DDX3X: variants seen among roughly 807,000 people sequenced by gnomAD.
The protein encoded by DDX3X is ATP-dependent RNA helicase DDX3X.
In DDX3X, 4 loss-of-function variants were observed where a neutral mutation model predicts 52.7. That is an observed-to-expected ratio of 0.08 (90% CI 0.04 to 0.17). DDX3X has a LOEUF of 0.17. Ranked by LOEUF, DDX3X falls within the 10% of genes least tolerant of loss-of-function variation. The pLI, the probability that DDX3X is intolerant of heterozygous loss-of-function variation, is 1.00. For missense variants in DDX3X, 222 were observed against 548.6 expected (o/e 0.40, Z 5.95); for synonymous variants, 192 against 178.1 (o/e 1.08, Z -0.62).
rs751012184 is a variant in DDX3X, at chrX:41,359,977, G to A, written c.655-4297G>A. Among the ~76,000 whole-genome samples, 565 of 108,491 alleles carry A rather than the reference G, an allele frequency of 5.2e-3. 6 individuals carry two copies. Among genetic ancestry groups the A allele is most frequent in the African/African-American group, 0.018 (531 of 29,939 alleles). The allele number at this position is 108,491 out of a possible 115,157, so 94.2% of individuals were successfully genotyped here. A position where few individuals can be genotyped will look rare whatever the true frequency, so the allele number is the denominator to read the frequency against. ...AGCCTGGGCGACAGAGCGAGACTCT[G>A]TCTCAAAAAATAATAATAATAATAA... is the stretch of plus-strand genomic sequence containing the variant. On this transcript the variant is annotated intron_variant, in intron 5 of 5. Transcript: ENST00000616050.
At chrX:41,357,064 G>A (rs1287865218) in intron 5 of DDX3X, among the ~76,000 whole-genome samples, 1 of 106,554 alleles carries the variant, frequency 9.4e-6, no homozygotes, top group Non-Finnish European at 1.9e-5. Flanking sequence ...CTCCCAAGTA[G>A]CTTGGATTAC....
At chrX:41,342,897 A>T (rs1161603081) in intron 6 of DDX3X, 61 bp downstream of exon 6, 1 of 944,057 alleles carries the variant, frequency 1.1e-6, no homozygotes, top group Non-Finnish European at 1.5e-6. Context: ...ATGTTACATT[A>T]GAATGTGAGA....
At chrX:41,334,887 G>C (rs2063739417) in intron 1 of DDX3X, 1 of 494,436 alleles carries the variant, frequency 2.0e-6, no homozygotes, top group African/African-American at 2.6e-5. Context: ...GGCGGGTCTC[G>C]GGCGGGCGAA....
rs758050366 is a variant in DDX3X, at chrX:41,344,128, A to G, written c.864A>G (p.Lys288=). The change falls in exon 9 of 17, where the codon AAA becomes AAG. Residue 288 remains lysine, a splice_region_variant and synonymous_variant. Transcript: ENST00000644876. ...LAVQIYEEAR[K]FSYRSRVRPC... Reference sequence around the variant, plus strand: ...TACAGATCTACGAGGAAGCCAGAAAAGTAAGTATGAGTTCCAGTGATTATT... The same window carrying G: ...TACAGATCTACGAGGAAGCCAGAAAGGTAAGTATGAGTTCCAGTGATTATT... The G allele has an allele frequency of 5.9e-6, 7 of 1,191,785 alleles. No individual in the cohort carries two copies. In the South Asian group the frequency reaches 1.3e-4, roughly 22 times the overall value.
rs966045593 is a variant in DDX3X, at chrX:41,346,571, A to G, written c.1564A>G (p.Ile522Val). 8.3e-7 allele frequency: 1 copy of G among 1,210,368 alleles called. No homozygotes were observed. The highest frequency in any genetic ancestry group is 1.1e-6 in the Non-Finnish European group (1 of 894,378). Reference protein sequence around the residue: ...HVINFDLPSDIEEYVHRIGRT... With the variant: ...HVINFDLPSDVEEYVHRIGRT... ...TATCAATTTTGACTTGCCAAGTGAT[A>G]TTGAAGAATATGTACATCGTATTGG... Residue 522 changes from isoleucine to valine, a missense_variant, in exon 14 of 17, where the codon ATT (isoleucine) becomes GTT (valine). Ile to Val is a conservative substitution (Grantham distance 29). This residue lies in a region of DDX3X where 73 missense variants were observed against 301.4 expected (regional missense o/e 0.24). Transcript: ENST00000644876.
intron 5 of DDX3X, among the ~76,000 whole-genome samples, chrX:41,356,965 GCT>G (rs2064012060): frequency 1.5e-5 from 1 of 67,740 alleles, no homozygotes; most frequent in Non-Finnish European, 2.6e-5. Flanking sequence ...ACGGAGTCTT[GCT>G]CTGTCACCCA....
In DDX3X at chrX:41,343,802, G is replaced by A. The variant is rs752738546; in HGVS notation, c.745G>A (p.Glu249Lys). The A allele has an allele frequency of 8.3e-7, 1 of 1,207,202 alleles. No homozygotes were observed. The highest frequency in any genetic ancestry group is 1.1e-6 in the Non-Finnish European group (1 of 892,320). Reference protein sequence around the residue: ...LSQIYSDGPGEALRAMKENGR... With the variant: ...LSQIYSDGPGKALRAMKENGR... ...TCAGATTTATTCAGATGGTCCAGGC[G>A]AGGCTTTGAGGGCCATGAAGGTAGA... Residue 249 changes from glutamate (E) to lysine (K), a missense_variant, in exon 8 of 17, where the codon GAG becomes AAG. Coordinates refer to ENST00000644876, the MANE Select transcript of DDX3X (RefSeq NM_001356.5).
intron 2 of DDX3X, chrX:41,338,538 G>A (rs2063804136): frequency 8.9e-6 from 1 of 111,771 alleles, no homozygotes; most frequent in African/African-American, 3.3e-5. Flanking sequence ...AACTCAGCAA[G>A]CCCCAAATTA....
chrX:41,347,294 A>G lies in DDX3X; in HGVS notation c.1770-18A>G, dbSNP rs1240151145. On this transcript the variant is annotated intron_variant, in intron 15 of 16. Transcript: ENST00000644876. ...GAATTTCATCTTCATGTGAACCAACATAATTTTTTTCTTATAGTAGCAGAT... is the reference window on the plus strand; with the variant it reads ...GAATTTCATCTTCATGTGAACCAACGTAATTTTTTTCTTATAGTAGCAGAT... 5 of 1,194,960 alleles carry G rather than the reference A, an allele frequency of 4.2e-6. No individual in the cohort carries two copies. Among genetic ancestry groups the G allele is most frequent in the African/African-American group, 1.8e-5 (1 of 56,578 alleles).
intron 7 of DDX3X, 28 bp downstream of exon 7, chrX:41,343,379 T>C (rs1157659819): frequency 4.3e-6 from 5 of 1,159,234 alleles, no homozygotes; most frequent in Non-Finnish European, 5.7e-6. Flanking sequence ...GAGTAAAACA[T>C]CATATTTCTT....
At chrX:41,360,188 G>C (rs1284446121) in intron 5 of DDX3X, among the ~76,000 whole-genome samples, 1 of 106,464 alleles carries the variant, frequency 9.4e-6, no homozygotes, top group African/African-American at 3.4e-5. Context: ...GACCAGCCTG[G>C]CCAACATGGT....
chrX:41,344,692 C>T, intron 10 of DDX3X: 2 of 331,530 alleles, frequency 6.0e-6, no homozygotes, highest in East Asian at 6.2e-5. Context: ...CCTGCCTTGG[C>T]CTCCCAAAGT....
downstream of DDX3X, among the ~76,000 whole-genome samples, chrX:41,352,835 G>A (rs184388684): frequency 6.1e-4 from 68 of 111,518 alleles, no homozygotes; most frequent in African/African-American, 2.1e-3. Context: ...GCAGGCTTAG[G>A]TGTGGAGTCC....
chrX:41,343,561 AAT>A lies in DDX3X; in HGVS notation c.680-174_680-173del, dbSNP rs72460118. On this transcript the variant is annotated intron_variant, in intron 7 of 16. Coordinates refer to ENST00000644876, the MANE Select transcript of DDX3X (RefSeq NM_001356.5). ...TAAAAATAACAGGCTTTATTTACAA[AAT>A]AGTCTCAGTTTGCTGACTCCTCTTA... 2.5e-3 allele frequency: 1,324 copies of A among 537,163 alleles called. 10 individuals are homozygous for A. In the African/African-American group the frequency reaches 0.028, roughly 11 times the overall value. The allele number at this position is 537,163 out of a possible 1,213,427, so 44.3% of individuals were successfully genotyped here.
downstream of DDX3X, chrX:41,350,295 C>T (rs1362742093): frequency 1.8e-5 from 2 of 112,136 alleles, no homozygotes; most frequent in African/African-American, 3.2e-5. Flanking sequence ...TTATTTTTTG[C>T]TTGTCATCCA....
chrX:41,359,906 C>T (rs1388376349), intron 5 of DDX3X, among the ~76,000 whole-genome samples: 18 of 109,164 alleles, frequency 1.6e-4, no homozygotes, highest in Non-Finnish European at 7.6e-5. Context: ...GGCGTGAACC[C>T]GGGAGGTGGA....
chrX:41,350,592 A>C (rs2063976424), downstream of DDX3X: 1 of 111,458 alleles, frequency 9.0e-6, no homozygotes, highest in South Asian at 3.7e-4. Flanking sequence ...TCAGTAGTCC[A>C]ACAAGTGATG....
In DDX3X at chrX:41,334,865, C is replaced by T. The variant is rs1386875807; in HGVS notation, c.45+568C>T. The stretch of plus-strand genomic sequence containing the variant: ...TGGTGCTGGGCGGCGCTGTGGCTCA[C>T]CTCCGGGAGACGGCGGGTCTCGGGC... On this transcript the variant is annotated intron_variant, in intron 1 of 16. Transcript: ENST00000644876. The T allele has an allele frequency of 2.8e-5, 17 of 609,410 alleles. No individual in the cohort carries two copies. In the Admixed American group the frequency reaches 3.0e-4, roughly 11 times the overall value. 50.2% of individuals were successfully genotyped at this position (609,410 alleles called of 1,213,427 possible). A position where few individuals can be genotyped will look rare whatever the true frequency, so the allele number is the denominator to read the frequency against.
intron 5 of DDX3X, among the ~76,000 whole-genome samples, chrX:41,359,397 T>G (rs1363795220): frequency 9.3e-6 from 1 of 107,511 alleles, no homozygotes; most frequent in African/African-American, 3.4e-5. Flanking sequence ...GGTCAGGAGC[T>G]TGAGACCAGC....
Sources: allele counts gnomAD v4.1 joint callset (sites outside exome capture counted in the v4.1 genomes callset), GRCh38; gene constraint gnomAD v4.1.1; regional missense constraint gnomAD v4.1.1; transcripts MANE v1.5; gene names NCBI Gene and HGNC (gene_info 2026-07-23, HGNC 2026-07-21).